ARAP2: variants seen among roughly 807,000 people sequenced by gnomAD.
ARAP2 encodes the protein ArfGAP with RhoGAP domain, ankyrin repeat and PH domain 2, also known as arf-GAP with Rho-GAP domain, ANK repeat and PH domain-containing protein 2.
In ARAP2, 148 loss-of-function variants were observed where a neutral mutation model predicts 194.5. The ratio of observed to expected loss-of-function variants is 0.76; its 90% CI spans 0.67 to 0.87. The LOEUF is 0.87. Ranked by LOEUF, ARAP2 falls within the 40% of genes least tolerant of loss-of-function variation. ARAP2 has a pLI of 0.00. For synonymous variants in ARAP2, 695 were observed against 683.5 expected (o/e 1.02, Z -0.26); for missense variants, 2,128 against 1,989.7 (o/e 1.07, Z -1.32).
At chr4:36,141,346 G>A (rs1040362857) in intron 19 of ARAP2, among the ~76,000 whole-genome samples, 2 of 151,526 alleles carry the variant, frequency 1.3e-5, no homozygotes, top group Non-Finnish European at 3.0e-5. Context: ...GATCAAGAAA[G>A]CTTTATTTTC....
chr4:36,131,483 T>C (rs1488864194), intron 20 of ARAP2, among the ~76,000 whole-genome samples: 1 of 151,450 alleles, frequency 6.6e-6, no homozygotes, highest in Non-Finnish European at 1.5e-5. Flanking sequence ...TGTATAACTA[T>C]ATAAACACAA....
At chr4:36,129,964 T>G (rs1725019865) in intron 20 of ARAP2, among the ~76,000 whole-genome samples, 2 of 151,960 alleles carry the variant, frequency 1.3e-5, no homozygotes. Context: ...TGTTCCTCTC[T>G]GCCTCAATAT....
chr4:36,017,587 A>AAAG (rs1716086471), intron 6 of ARAP2, among the ~76,000 whole-genome samples: 9 of 148,456 alleles, frequency 6.1e-5, no homozygotes, highest in African/African-American at 2.2e-4. Context: ...AAAAAAAAAA[A>AAAG]GCTTTCTGTG....
At chr4:36,137,162 G>A (rs1265769496) in intron 19 of ARAP2, among the ~76,000 whole-genome samples, 1 of 151,726 alleles carries the variant, frequency 6.6e-6, no homozygotes, top group Non-Finnish European at 1.5e-5. Flanking sequence ...TCCAACCACA[G>A]GACTCTTTCA....
intron 6 of ARAP2, among the ~76,000 whole-genome samples, chr4:36,199,681 T>A (rs987834613): frequency 6.6e-6 from 1 of 152,240 alleles, no homozygotes; most frequent in African/African-American, 2.4e-5. Flanking sequence ...TGAGTGTATT[T>A]TTTTTAGATT....
rs1275663577 is a variant in ARAP2, at chr4:36,205,654, C to A, written c.1487+4736G>T. 2.0e-5 allele frequency among the ~76,000 whole-genome samples: 3 copies of A among 151,554 alleles called. No individual in the cohort carries two copies. In the South Asian group the frequency reaches 6.3e-4, roughly 32 times the overall value. On this transcript the variant is annotated intron_variant, in intron 6 of 32. Coordinates refer to ENST00000303965, the MANE Select transcript of ARAP2 (RefSeq NM_015230.4). ...TATTGAGCATCAATTAAGAGTGAGG[C>A]CCAAAGTTACCTACTTTTCCAAATG... is the stretch of plus-strand genomic sequence containing the variant.
chr4:36,119,646 T>G lies in ARAP2; in HGVS notation c.3963+4A>C. ...TATTTAGAGATCTAACTATTACTAC[T>G]CACTTGGGTGTCTTTCCACTTGGTA... is the stretch of plus-strand genomic sequence containing the variant. On this transcript the variant is annotated splice_donor_region_variant and intron_variant, in intron 24 of 32. Transcript: ENST00000303965. 6.3e-7 allele frequency: 1 copy of G among 1,587,194 alleles called. No individual in the cohort carries two copies. Among genetic ancestry groups the G allele is most frequent in the Non-Finnish European group, 8.6e-7 (1 of 1,157,812 alleles).
At chr4:36,202,473 T>A (rs1459389335) in intron 6 of ARAP2, among the ~76,000 whole-genome samples, 1 of 151,710 alleles carries the variant, frequency 6.6e-6, no homozygotes, top group Non-Finnish European at 1.5e-5. Flanking sequence ...ATCTCTGCTA[T>A]ATCTACATCC....
intron 19 of ARAP2, among the ~76,000 whole-genome samples, chr4:36,139,435 C>A (rs1727681643): frequency 6.6e-6 from 1 of 151,316 alleles, no homozygotes; most frequent in Admixed American, 6.6e-5. Context: ...TTAACTTTTC[C>A]AAAAAAAGTT....
intron 6 of ARAP2, chr4:36,019,130 T>C (rs1263306893): frequency 6.7e-6 from 1 of 149,686 alleles, no homozygotes; most frequent in African/African-American, 2.6e-5. Flanking sequence ...AAAATTGTCA[T>C]AAAAGAAAGT....
intron 6 of ARAP2, among the ~76,000 whole-genome samples, chr4:36,018,431 A>T (rs911543478): frequency 7.8e-6 from 1 of 128,292 alleles, no homozygotes; most frequent in Non-Finnish European, 1.6e-5. Flanking sequence ...TATGAGAGAC[A>T]ACTCACTCAA....
At chr4:36,227,965 G>A (rs1329893872) in intron 2 of ARAP2, among the ~76,000 whole-genome samples, 2 of 152,086 alleles carry the variant, frequency 1.3e-5, no homozygotes, top group African/African-American at 4.8e-5. Context: ...AACCTACACT[G>A]GTAGAGCCCC....
In ARAP2 at chr4:36,083,187, T is replaced by C. The variant is rs552264359; in HGVS notation, c.4508+181A>G. 4.6e-5 allele frequency among the ~76,000 whole-genome samples: 7 copies of C among 152,146 alleles called. No homozygotes were observed. In the South Asian group the frequency reaches 1.5e-3, roughly 32 times the overall value. ...TCAGTGGGAACATCGTCCCTCCTTA[T>C]CTACTCATACAAGTTCCTTGATCTG... On this transcript the variant is annotated intron_variant, in intron 29 of 32. Transcript: ENST00000303965.
intron 10 of ARAP2, chr4:36,006,885 T>C (rs943918611): frequency 6.6e-6 from 1 of 152,068 alleles, no homozygotes; most frequent in African/African-American, 2.4e-5. Flanking sequence ...AATAAAATTT[T>C]TAAAAGAGAG....
At chr4:36,091,481 C>G (rs1466415777) in intron 28 of ARAP2, among the ~76,000 whole-genome samples, 2 of 152,080 alleles carry the variant, frequency 1.3e-5, no homozygotes, top group African/African-American at 4.8e-5. Context: ...AGGAAAGATA[C>G]TAATAAGATT....
rs748150911 is a variant in ARAP2 at position 36,229,445 on chromosome 4, G to A, written c.42C>T (p.Phe14=). 4.1e-5 allele frequency: 66 copies of A among 1,612,892 alleles called. 3 individuals are homozygous for A. The highest frequency in any genetic ancestry group is 4.9e-5 in the Non-Finnish European group (58 of 1,179,338). ...VSEVNVDIKD[F]LMSINLEQYL... ...ACTGCTCCAAATTAATGCTCATTAGGAAATCTTTTATATCCACATTTACTT... is the reference window on the plus strand; with the variant it reads ...ACTGCTCCAAATTAATGCTCATTAGAAAATCTTTTATATCCACATTTACTT... The change falls in exon 2 of 33, where the codon TTC becomes TTT. Residue 14 remains phenylalanine (F), a synonymous_variant. Transcript: ENST00000303965.
intron 26 of ARAP2, among the ~76,000 whole-genome samples, chr4:36,107,953 A>T (rs1310039240): frequency 6.6e-6 from 1 of 151,942 alleles, no homozygotes; most frequent in Non-Finnish European, 1.5e-5. Context: ...ACTATTTTTA[A>T]AAATCAGAAG....
At chr4:36,104,831 A>G (rs572946826) in intron 27 of ARAP2, among the ~76,000 whole-genome samples, 1 of 152,168 alleles carries the variant, frequency 6.6e-6, no homozygotes, top group African/African-American at 2.4e-5. Context: ...ACCAGACTAC[A>G]TAACTACAAA....
At chr4:36,214,883 T>G (rs1747564845) in intron 2 of ARAP2, among the ~76,000 whole-genome samples, 1 of 152,214 alleles carries the variant, frequency 6.6e-6, no homozygotes, top group Non-Finnish European at 1.5e-5. Context: ...ATGTCAGTAT[T>G]TGTGTAGCTT....
Sources: allele counts gnomAD v4.1 joint callset (sites outside exome capture counted in the v4.1 genomes callset), GRCh38; gene constraint gnomAD v4.1.1; transcripts MANE v1.5; gene names NCBI Gene and HGNC (gene_info 2026-07-23, HGNC 2026-07-21).